The following PTPRT variants were observed in gnomAD, a reference collection of about 807,000 sequenced individuals.
The protein encoded by PTPRT is protein tyrosine phosphatase receptor type T.
In PTPRT, 56 loss-of-function variants were observed where a neutral mutation model predicts 176.8. The ratio of observed to expected loss-of-function variants is 0.32; its 90% CI spans 0.26 to 0.40. PTPRT has a LOEUF of 0.40. Among genes scored for constraint, PTPRT ranks in the 10% least tolerant of loss-of-function variants. The pLI is 1.00. For missense variants in PTPRT, 1,540 were observed against 1,908.2 expected (o/e 0.81, Z 3.60); for synonymous variants, 783 against 739.0 (o/e 1.06, Z -0.96).
chr20:42,216,358 A>T (rs998744058), intron 15 of PTPRT, among the ~76,000 whole-genome samples: 1 of 152,226 alleles, frequency 6.6e-6, no homozygotes, highest in Non-Finnish European at 1.5e-5. Context: ...AGGGCCTTAC[A>T]TAGATTTTGG....
intron 2 of PTPRT, among the ~76,000 whole-genome samples, chr20:42,865,098 T>C (rs573480326): frequency 9.2e-5 from 14 of 152,368 alleles, no homozygotes; most frequent in African/African-American, 3.4e-4. Context: ...CATTCCTGTA[T>C]TGTGAAGTCT....
chr20:42,819,742 TAAAAA>T (rs199792404), intron 2 of PTPRT, among the ~76,000 whole-genome samples: 23 of 147,816 alleles, frequency 1.6e-4, no homozygotes, highest in African/African-American at 5.5e-4. Flanking sequence ...AAAATAAAAA[TAAAAA>T]AAAATAAAAA....
chr20:42,298,527 T>C (rs2057418643), intron 12 of PTPRT, among the ~76,000 whole-genome samples: 1 of 152,208 alleles, frequency 6.6e-6, no homozygotes, highest in Non-Finnish European at 1.5e-5. Flanking sequence ...TACAAAAATA[T>C]ATGTGCACAA....
intron 1 of PTPRT, among the ~76,000 whole-genome samples, chr20:43,096,846 G>A (rs555838026): frequency 2.0e-5 from 3 of 152,184 alleles, no homozygotes; most frequent in African/African-American, 7.2e-5. Context: ...AGCTGAGGAG[G>A]TTGGAGGCCC....
chr20:43,097,953 G>A lies in PTPRT; in HGVS notation c.88+91693C>T, dbSNP rs527683357. ...AAGATGCAAGTGCAGCACAGTGCGC[G>A]GGCTGTACAAAGCAAGCAGGGAGGC... On this transcript the variant is annotated intron_variant, in intron 1 of 30. Coordinates refer to ENST00000373187, the MANE Select transcript of PTPRT (RefSeq NM_007050.6). Among the ~76,000 whole-genome samples the A allele has an allele frequency of 1.0e-3, 156 of 152,212 alleles. 4 individuals are homozygous for A. The highest frequency in any genetic ancestry group is 8.9e-3 in the Admixed American group (136 of 15,286).
intron 15 of PTPRT, 81 bp from the exon 16 acceptor site, chr20:42,199,469 C>A: frequency 6.9e-7 from 1 of 1,451,824 alleles, no homozygotes; most frequent in Non-Finnish European, 9.4e-7. Flanking sequence ...TGTTCTTCCC[C>A]AATGCTCATC....
At chr20:43,163,080 A>T (rs2014743310) in intron 1 of PTPRT, among the ~76,000 whole-genome samples, 1 of 152,234 alleles carries the variant, frequency 6.6e-6, no homozygotes, top group African/African-American at 2.4e-5. Flanking sequence ...CTAGGAAGAG[A>T]GCGGAGATAG....
At chr20:42,124,632 C>T (rs1163718596) in intron 19 of PTPRT, among the ~76,000 whole-genome samples, 2 of 152,094 alleles carry the variant, frequency 1.3e-5, no homozygotes, top group African/African-American at 4.8e-5. Context: ...CTTTAGAGAG[C>T]CAGGAAGGAT....
In PTPRT at chr20:42,339,898, C is replaced by T. The variant is rs1161757169; in HGVS notation, c.1865+10730G>A. ...ATAGGTCCCACGCTGTTTTCAGGAC[C>T]TATACCTCTGTCTAAGTCTTCATTA... On this transcript the variant is annotated intron_variant, in intron 11 of 30. Coordinates refer to ENST00000373187, the MANE Select transcript of PTPRT (RefSeq NM_007050.6). Among the ~76,000 whole-genome samples the T allele has an allele frequency of 2.6e-5, 4 of 152,280 alleles. No homozygotes were observed. In the East Asian group the frequency reaches 7.7e-4, roughly 29 times the overall value.
At chr20:43,136,121 GC>G (rs2013823971) in intron 1 of PTPRT, among the ~76,000 whole-genome samples, 1 of 152,132 alleles carries the variant, frequency 6.6e-6, no homozygotes, top group African/African-American at 2.4e-5. Context: ...ATCACCTGTT[GC>G]TATGGCTCAC....
At chr20:42,108,348 T>G (rs1986673437) in intron 23 of PTPRT, among the ~76,000 whole-genome samples, 1 of 152,148 alleles carries the variant, frequency 6.6e-6, no homozygotes, top group African/African-American at 2.4e-5. Context: ...CTGCATGACC[T>G]CGGGCAAATG....
intron 12 of PTPRT, among the ~76,000 whole-genome samples, chr20:42,311,110 C>G (rs558139292): frequency 2.0e-5 from 3 of 152,084 alleles, no homozygotes; most frequent in African/African-American, 7.2e-5. Context: ...ATTCATTATT[C>G]GATACATTAT....
At chr20:42,090,721 G>C (rs1197656438) in intron 27 of PTPRT, among the ~76,000 whole-genome samples, 1 of 152,084 alleles carries the variant, frequency 6.6e-6, no homozygotes, top group Non-Finnish European at 1.5e-5. Context: ...GAAAGCTTAT[G>C]GTTTCTTAAG....
At chr20:42,245,172 A>C (rs2056426933) in intron 14 of PTPRT, among the ~76,000 whole-genome samples, 1 of 152,210 alleles carries the variant, frequency 6.6e-6, no homozygotes, top group African/African-American at 2.4e-5. Flanking sequence ...TGGAGCCACT[A>C]TCTAGTGACA....
intron 2 of PTPRT, among the ~76,000 whole-genome samples, chr20:42,846,968 A>G (rs1388850896): frequency 6.6e-6 from 1 of 152,210 alleles, no homozygotes; most frequent in Admixed American, 6.5e-5. Flanking sequence ...CTCTGGAGAA[A>G]ACAATGGGGC....
At chr20:42,437,158 T>C (rs2059269479) in intron 9 of PTPRT, among the ~76,000 whole-genome samples, 1 of 152,214 alleles carries the variant, frequency 6.6e-6, no homozygotes, top group Admixed American at 6.5e-5. Flanking sequence ...GGTTGTCTTT[T>C]AGTTGGTGTG....
At chr20:42,721,723 G>T (rs1019062629) in intron 6 of PTPRT, among the ~76,000 whole-genome samples, 1 of 152,238 alleles carries the variant, frequency 6.6e-6, no homozygotes, top group African/African-American at 2.4e-5. Context: ...TTCATAGTCA[G>T]GTTTCTGGCC....
At chr20:43,128,673 C>T (rs997474723) in intron 1 of PTPRT, among the ~76,000 whole-genome samples, 3 of 152,174 alleles carry the variant, frequency 2.0e-5, no homozygotes, top group Non-Finnish European at 4.4e-5. Context: ...TGCTCCTGGC[C>T]GAATGGACTT....
chr20:43,177,517 A>C (rs2015149938), intron 1 of PTPRT, among the ~76,000 whole-genome samples: 1 of 152,232 alleles, frequency 6.6e-6, no homozygotes, highest in South Asian at 2.1e-4. Flanking sequence ...GACCCCTAGA[A>C]TCCCAGGTGG....
Sources: allele counts gnomAD v4.1 joint callset (sites outside exome capture counted in the v4.1 genomes callset), GRCh38; gene constraint gnomAD v4.1.1; transcripts MANE v1.5; gene names NCBI Gene and HGNC (gene_info 2026-07-23, HGNC 2026-07-21).